MAD1L1: variants seen among roughly 807,000 people sequenced by gnomAD.
MAD1L1 encodes the protein mitotic spindle assembly checkpoint protein MAD1.
In MAD1L1, 95 loss-of-function variants were observed where a neutral mutation model predicts 96.9. The observed-to-expected ratio is 0.98, with a 90% CI of 0.83 to 1.16. The LOEUF is 1.16. MAD1L1 is among the 50% of genes most tolerant of loss of function. The probability of loss-of-function intolerance (pLI) is 0.00; values close to 1 mark genes in which losing one functional copy is unlikely to be tolerated. For missense variants in MAD1L1, 1,007 were observed against 954.4 expected, an observed-to-expected ratio of 1.06 and a Z score of -0.73; for synonymous variants, 473 against 396.6, an observed-to-expected ratio of 1.19 and a Z score of -2.29.
intron 12 of MAD1L1, among the ~76,000 whole-genome samples, chr7:2,060,413 T>C (rs1784603661): frequency 6.8e-6 from 1 of 146,816 alleles, no homozygotes; most frequent in Non-Finnish European, 1.5e-5. Context: ...TGAGATACAC[T>C]GATGCTGAGA....
chr7:1,912,502 G>GC (rs1562517723), intron 17 of MAD1L1, among the ~76,000 whole-genome samples: 3 of 152,198 alleles, frequency 2.0e-5, no homozygotes, highest in Non-Finnish European at 4.4e-5. Context: ...AGGGCAAGGG[G>GC]TGCCCATCCT....
At chr7:1,914,572 G>T (rs1361149809) in intron 17 of MAD1L1, among the ~76,000 whole-genome samples, 1 of 152,138 alleles carries the variant, frequency 6.6e-6, no homozygotes, top group Non-Finnish European at 1.5e-5. Context: ...TTAGCCCAGG[G>T]AAACGTGTGA....
intron 18 of MAD1L1, among the ~76,000 whole-genome samples, chr7:1,862,470 G>C (rs1460970738): frequency 6.6e-6 from 1 of 152,216 alleles, no homozygotes; most frequent in Non-Finnish European, 1.5e-5. Flanking sequence ...AGAGTCCCGA[G>C]ACTGCAGCAG....
chr7:2,219,601 G>GGGGCAGAGGGGCATC (rs1169858676), intron 5 of MAD1L1, 145 bp from the exon 6 acceptor site: 2 of 700,192 alleles, frequency 2.9e-6, no homozygotes, highest in Non-Finnish European at 4.5e-6. Flanking sequence ...GAGGAATAAG[G>GGGGCAGAGGGGCATC]GGGCAGAGGG....
At chr7:2,010,544 G>A (rs940703700) in intron 13 of MAD1L1, among the ~76,000 whole-genome samples, 1 of 152,186 alleles carries the variant, frequency 6.6e-6, no homozygotes, top group Non-Finnish European at 1.5e-5. Context: ...ACGGGCTCCC[G>A]CAGCCGCTTT....
At chr7:1,902,643 AGGTC>A (rs1366321501) in intron 17 of MAD1L1, among the ~76,000 whole-genome samples, 1 of 151,326 alleles carries the variant, frequency 6.6e-6, no homozygotes, top group African/African-American at 2.4e-5. Flanking sequence ...ACGCAGAACC[AGGTC>A]GGCCGGGCTA....
chr7:2,190,671 A>G (rs1791675713), intron 10 of MAD1L1, among the ~76,000 whole-genome samples: 1 of 152,228 alleles, frequency 6.6e-6, no homozygotes, highest in East Asian at 1.9e-4. Context: ...AAAAGAAGAT[A>G]TATGGCCGTC....
intron 17 of MAD1L1, among the ~76,000 whole-genome samples, chr7:1,927,617 A>C (rs1399019442): frequency 2.6e-5 from 4 of 152,222 alleles, no homozygotes; most frequent in Admixed American, 6.5e-5. Context: ...ATAATGGCAC[A>C]ATTGGACATC....
intron 10 of MAD1L1, among the ~76,000 whole-genome samples, chr7:2,176,915 T>G (rs1790975079): frequency 6.6e-6 from 1 of 152,250 alleles, no homozygotes; most frequent in African/African-American, 2.4e-5. Flanking sequence ...CATACGCTAG[T>G]AATAACTGTT....
At chr7:1,863,739 C>T (rs937968550) in intron 18 of MAD1L1, among the ~76,000 whole-genome samples, 13 of 152,280 alleles carry the variant, frequency 8.5e-5, no homozygotes, top group African/African-American at 1.7e-4. Flanking sequence ...CCCGGAACAC[C>T]GTGGGCTCCC....
chr7:2,192,580 T>C (rs937855569), intron 10 of MAD1L1, among the ~76,000 whole-genome samples: 10 of 152,236 alleles, frequency 6.6e-5, no homozygotes, highest in Admixed American at 4.6e-4. Flanking sequence ...GCAGCAAAGA[T>C]GAGAATGAAA....
At chr7:2,011,937 C>A (rs990094807) in intron 13 of MAD1L1, among the ~76,000 whole-genome samples, 1 of 152,142 alleles carries the variant, frequency 6.6e-6, no homozygotes, top group Non-Finnish European at 1.5e-5. Flanking sequence ...GAGGACCAGC[C>A]GTGTGAACTC....
intron 12 of MAD1L1, among the ~76,000 whole-genome samples, chr7:2,034,007 G>A (rs936527400): frequency 6.6e-6 from 1 of 152,178 alleles, no homozygotes; most frequent in Non-Finnish European, 1.5e-5. Context: ...CAGGCAGGAG[G>A]ATATATTGAG....
chr7:1,898,965 G>A lies in MAD1L1; in HGVS notation c.1808-575C>T, dbSNP rs555372992. 5.9e-5 allele frequency among the ~76,000 whole-genome samples: 9 copies of A among 152,334 alleles called. No homozygotes were observed. In the South Asian group the frequency reaches 1.0e-3, roughly 18 times the overall value. On this transcript the variant is annotated intron_variant, in intron 17 of 18. Transcript: ENST00000265854. ...CGCCTACCCCACAGGAGCCAGCACC[G>A]ACAAACAGGGAGGCAGGCAGGAGGC...
chr7:2,004,195 G>C (rs1781927943), intron 13 of MAD1L1, among the ~76,000 whole-genome samples: 1 of 152,186 alleles, frequency 6.6e-6, no homozygotes, highest in Non-Finnish European at 1.5e-5. Context: ...AAACAGGGGG[G>C]ACGACAACAA....
chr7:2,129,327 T>C (rs1788396037), intron 11 of MAD1L1, among the ~76,000 whole-genome samples: 1 of 152,216 alleles, frequency 6.6e-6, no homozygotes, highest in Admixed American at 6.5e-5. Flanking sequence ...GACATCTGAA[T>C]GTGCTGTGGC....
At chr7:1,927,340 T>TA in intron 17 of MAD1L1, among the ~76,000 whole-genome samples, 1 of 152,200 alleles carries the variant, frequency 6.6e-6, no homozygotes. Context: ...GTAATTCCTC[T>TA]AAAAATCTGA....
intron 15 of MAD1L1, among the ~76,000 whole-genome samples, chr7:1,961,241 T>C (rs559229399): frequency 1.3e-5 from 2 of 152,190 alleles, no homozygotes; most frequent in African/African-American, 4.8e-5. Flanking sequence ...TTGTACAAAT[T>C]GGCAAGCTGA....
chr7:1,858,845 C>A (rs1784384093), intron 18 of MAD1L1, among the ~76,000 whole-genome samples: 1 of 152,226 alleles, frequency 6.6e-6, no homozygotes, highest in African/African-American at 2.4e-5. Flanking sequence ...GAGCCTCTGC[C>A]CCTCCTGGCT....
Sources: allele counts gnomAD v4.1 joint callset (sites outside exome capture counted in the v4.1 genomes callset), GRCh38; gene constraint gnomAD v4.1.1; transcripts MANE v1.5; gene names NCBI Gene and HGNC (gene_info 2026-07-23, HGNC 2026-07-21).